The following CHD9 variants were observed in gnomAD, a reference collection of about 807,000 sequenced individuals.
CHD9 encodes chromodomain helicase DNA binding protein 9, also known as ATP-dependent chromatin remodeler CHD9.
CHD9 carries 77 observed loss-of-function variants against 316.1 expected under a neutral mutation model. The observed-to-expected ratio is 0.24, with a 90% CI of 0.20 to 0.29. CHD9 has a LOEUF of 0.29. Ranked by LOEUF, CHD9 falls within the 10% of genes least tolerant of loss-of-function variation. The pLI, the probability that CHD9 is intolerant of heterozygous loss-of-function variation, is 1.00. For synonymous variants in CHD9, 1,129 were observed against 1,158.3 expected (o/e 0.97, Z 0.51); for missense variants, 2,763 against 3,438.1 (o/e 0.80, Z 4.91).
chr16:53,237,340 G>A (rs1219522789), intron 11 of CHD9, among the ~76,000 whole-genome samples: 1 of 152,110 alleles, frequency 6.6e-6, no homozygotes, highest in East Asian at 1.9e-4. Flanking sequence ...TACTTTCTCA[G>A]TTACTGTCCC....
chr16:53,143,528 C>T (rs1043943038), intron 1 of CHD9, among the ~76,000 whole-genome samples: 2 of 151,982 alleles, frequency 1.3e-5, no homozygotes, highest in Non-Finnish European at 2.9e-5. Context: ...GCTGGAACTA[C>T]AGGCACCCGC....
intron 1 of CHD9, among the ~76,000 whole-genome samples, chr16:53,078,714 T>C (rs2034765284): frequency 6.6e-6 from 1 of 152,236 alleles, no homozygotes. Context: ...CCTTGGTCCC[T>C]TAAAGACCCT....
At chr16:53,120,000 AGG>A (rs906041366) in intron 1 of CHD9, among the ~76,000 whole-genome samples, 1 of 151,632 alleles carries the variant, frequency 6.6e-6, no homozygotes, top group Non-Finnish European at 1.5e-5. Context: ...CTGACGCAGG[AGG>A]GTTGCTTAAG....
intron 27 of CHD9, among the ~76,000 whole-genome samples, chr16:53,289,998 G>A (rs899507602): frequency 6.6e-6 from 1 of 152,192 alleles, no homozygotes. Flanking sequence ...AATTGACCAG[G>A]CACAGTGGCT....
At chr16:53,314,291 ACTTT>A (rs1185381759) in intron 34 of CHD9, 82 bp from the exon 35 acceptor site, 4 of 915,392 alleles carry the variant, frequency 4.4e-6, no homozygotes, top group South Asian at 2.1e-5. Context: ...AAGAACTAAC[ACTTT>A]CATATATTTA....
chr16:53,299,578 T>C, intron 30 of CHD9: 2 of 401,392 alleles, frequency 5.0e-6, no homozygotes, highest in Admixed American at 3.0e-5. Flanking sequence ...CTATTAACCC[T>C]CCAAAAGCTG....
chr16:53,082,390 G>A (rs577228513), intron 1 of CHD9, among the ~76,000 whole-genome samples: 11 of 151,908 alleles, frequency 7.2e-5, no homozygotes, highest in Non-Finnish European at 1.3e-4. Context: ...GGCCTTTGCC[G>A]CCACACCCAA....
intron 27 of CHD9, among the ~76,000 whole-genome samples, chr16:53,289,125 T>TA (rs1426707930): frequency 3.9e-5 from 6 of 151,992 alleles, no homozygotes; most frequent in Non-Finnish European, 2.9e-5. Context: ...TCTACTGAAA[T>TA]AAAAAAATTC....
intron 12 of CHD9, 91 bp downstream of exon 12, chr16:53,238,677 A>C: frequency 7.9e-7 from 1 of 1,269,876 alleles, no homozygotes; most frequent in Non-Finnish European, 1.1e-6. Flanking sequence ...TTTAGGATAC[A>C]TTTTAATTGC....
intron 15 of CHD9, 34 bp from the exon 16 acceptor site, chr16:53,247,259 A>C (rs758153413): frequency 2.1e-6 from 3 of 1,449,148 alleles, no homozygotes; most frequent in Non-Finnish European, 2.9e-6. Context: ...CTGCATTTGC[A>C]CATTGCTGTT....
rs1313705859 is a variant in CHD9 at position 53,327,032 on chromosome 16, C to T, written c.*2137C>T. On this transcript the variant is annotated 3_prime_UTR_variant, in exon 39 of 39. Transcript: ENST00000447540. ...AATAAGGCAATTACAGTTTTCAAAG[C>T]ATTAAGTCTAACATAACTTTAAACA... 2 of 152,378 alleles carry T rather than the reference C, an allele frequency of 1.3e-5. No individual in the cohort carries two copies. Among genetic ancestry groups the T allele is most frequent in the Non-Finnish European group, 2.9e-5 (2 of 67,934 alleles). 9.4% of individuals were successfully genotyped at this position (152,378 alleles called of 1,614,324 possible).
At chr16:53,229,148 T>A (rs2047947305) in intron 8 of CHD9, 48 bp downstream of exon 8, 1 of 880,716 alleles carries the variant, frequency 1.1e-6, no homozygotes, top group Admixed American at 2.7e-5. Context: ...TCTGAATACA[T>A]GTAGCATTAT....
At chr16:53,141,602 T>G (rs561481535) in intron 1 of CHD9, among the ~76,000 whole-genome samples, 1 of 152,338 alleles carries the variant, frequency 6.6e-6, no homozygotes, top group East Asian at 1.9e-4. Flanking sequence ...ACTTATTTGT[T>G]TATGTCATGG....
intron 2 of CHD9, among the ~76,000 whole-genome samples, chr16:53,198,699 C>T (rs573775053): frequency 5.9e-5 from 9 of 152,308 alleles, no homozygotes; most frequent in Middle Eastern, 3.4e-3. Flanking sequence ...ATATTTTAAA[C>T]GGACTGTCAT....
chr16:53,157,457 G>A lies in CHD9; in HGVS notation c.1368G>A (p.Leu456=), dbSNP rs752921891. The change falls in exon 2 of 39, where the codon TTG becomes TTA. Residue 456 remains leucine, a synonymous_variant. Transcript: ENST00000447540. ...TRPSDMAQTQ[L]QSQARSWHSS... is the part of the protein sequence containing the mutation. ...CTTCTGATATGGCTCAGACTCAGTT[G>A]CAAAGTCAGGCTCGGAGTTGGCATT... 3.1e-6 allele frequency: 5 copies of A among 1,614,006 alleles called. No individual in the cohort carries two copies. The highest frequency in any genetic ancestry group is 4.2e-6 in the Non-Finnish European group (5 of 1,179,880).
chr16:53,118,793 CTTTTTTT>C (rs565529283), intron 1 of CHD9, among the ~76,000 whole-genome samples: 25 of 127,164 alleles, frequency 2.0e-4, no homozygotes, highest in Admixed American at 1.8e-3. Context: ...AGATAACTTT[CTTTTTTT>C]TTTTTTTTTT....
rs1285002318 is a variant in CHD9, at chr16:53,304,007, T to A, written c.6001T>A (p.Tyr2001Asn). The A allele has an allele frequency of 6.2e-7, 1 of 1,614,014 alleles. No homozygotes were observed. Among genetic ancestry groups the A allele is most frequent in the Admixed American group, 1.7e-5 (1 of 60,026 alleles). ...ELSFMAAQRN[Y>N]SQSKMAHSRT... ...CTCATTTATGGCAGCTCAGAGGAAC[T>A]ACAGTCAAAGTAAGATGGCTCATTC... The change falls in exon 31 of 39, where the codon TAC becomes AAC. Residue 2001 changes from tyrosine (Y) to asparagine (N), a missense_variant. Coordinates refer to ENST00000447540, the MANE Select transcript of CHD9 (RefSeq NM_001308319.2).
chr16:53,178,223 A>G (rs1035997439), intron 2 of CHD9, among the ~76,000 whole-genome samples: 4 of 152,130 alleles, frequency 2.6e-5, no homozygotes, highest in Non-Finnish European at 5.9e-5. Context: ...GAAGGAACAC[A>G]TCTTGTCAAA....
intron 2 of CHD9, among the ~76,000 whole-genome samples, chr16:53,207,218 T>C (rs1409805861): frequency 5.9e-5 from 9 of 152,218 alleles, no homozygotes; most frequent in Admixed American, 5.9e-4. Flanking sequence ...GTTTTAGTGA[T>C]TTAAGGGCAT....
Sources: gnomAD v4.1 joint callset for allele counts (sites outside exome capture counted in the v4.1 genomes callset) on GRCh38, gnomAD v4.1.1 for gene constraint, MANE v1.5 for transcripts, NCBI Gene and HGNC (gene_info 2026-07-23, HGNC 2026-07-21) for gene names.